C4orf50: variants seen among roughly 807,000 people sequenced by gnomAD.
C4orf50 encodes the protein uncharacterized protein C4orf50.
Under a neutral mutation model 77.2 loss-of-function variants are expected in C4orf50, and 80 were observed. That is an observed-to-expected ratio of 1.04 (90% CI 0.87 to 1.25). The LOEUF is 1.25. Among genes scored for constraint, C4orf50 ranks in the 50% most tolerant of loss-of-function variants. The pLI is 0.00. For missense variants in C4orf50, 1,257 were observed against 1,152.9 expected (o/e 1.09, Z -1.31); for synonymous variants, 532 against 465.3 (o/e 1.14, Z -1.84).
At chr4:5,947,949 T>G (rs114794505) in intron 7 of C4orf50, among the ~76,000 whole-genome samples, 2,931 of 152,304 alleles carry the variant, frequency 0.019, 98 homozygotes, top group African/African-American at 0.068. Context: ...AGGCACCTCT[T>G]CCAGGCACTC....
chr4:5,921,057 T>C (rs953210764), intron 7 of C4orf50, among the ~76,000 whole-genome samples: 2 of 152,192 alleles, frequency 1.3e-5, no homozygotes, highest in African/African-American at 4.8e-5. Flanking sequence ...CTGAGTGACC[T>C]GAGACCTTGA....
intron 33 of C4orf50, among the ~76,000 whole-genome samples, chr4:5,960,699 GA>G (rs1719224952): frequency 1.3e-5 from 2 of 152,218 alleles, no homozygotes; most frequent in Non-Finnish European, 2.9e-5. Context: ...CTCCAGGACG[GA>G]AGTACTGACT....
rs371957267 is a variant in C4orf50 at position 6,003,112 on chromosome 4, TG to T, written c.963+4883del. Among the ~76,000 whole-genome samples, 140 of 152,306 alleles carry T rather than the reference TG, an allele frequency of 9.2e-4. 2 individuals are homozygous for T. In the South Asian group the frequency reaches 0.029, roughly 31 times the overall value. Reference sequence around the variant, plus strand: ...CTTGGCCCAGACAGCCGTCCCCAGATGGCCCTTTGCACAAGGCCACTGCAGT... The same window carrying T: ...CTTGGCCCAGACAGCCGTCCCCAGATGCCCTTTGCACAAGGCCACTGCAGT... On this transcript the variant is annotated intron_variant, in intron 25 of 33. Coordinates refer to ENST00000531445, the Ensembl canonical transcript of C4orf50.
At chr4:5,955,245 C>A (rs1436222276), downstream of C4orf50, among the ~76,000 whole-genome samples, 3 of 152,148 alleles carry the variant, frequency 2.0e-5, no homozygotes, top group East Asian at 5.8e-4. This position sits in a 1 kb window ranked among gnomAD's most constrained non-coding sequence, Gnocchi z 5.1. Flanking sequence ...CCCACTCACA[C>A]CTTACCACGG....
chr4:5,972,797 C>T (rs933569296), intron 31 of C4orf50, among the ~76,000 whole-genome samples: 14 of 152,208 alleles, frequency 9.2e-5, no homozygotes, highest in African/African-American at 1.9e-4. Flanking sequence ...GCTAGTCTGG[C>T]GGGGGCGTTG....
rs1260290112 is a variant in C4orf50 at position 6,008,468 on chromosome 4, C to A, written c.491G>T (p.Arg164Leu). ...CTGCCCCAGTGCCTCGTCCTTGCGC[C>A]GCAACCGCTCCTGCAACCGCCGCAG... The change falls in exon 25 of 34, where the codon CGG becomes CTG. Residue 164 changes from arginine to leucine, a missense_variant. Coordinates refer to ENST00000531445, the Ensembl canonical transcript of C4orf50. The surrounding 1 kb of genome is among the most constrained non-coding windows in gnomAD (Gnocchi z 6.0). The A allele has an allele frequency of 5.0e-6, 2 of 397,608 alleles. No individual in the cohort carries two copies. Among genetic ancestry groups the A allele is most frequent in the Non-Finnish European group, 8.9e-6 (2 of 225,488 alleles). 24.6% of individuals were successfully genotyped at this position (397,608 alleles called of 1,614,324 possible).
At chr4:6,004,125 G>GATGT (rs1425993596) in intron 25 of C4orf50, among the ~76,000 whole-genome samples, 5 of 16,370 alleles carry the variant, frequency 3.1e-4, no homozygotes, top group Admixed American at 7.1e-4. Flanking sequence ...GATGGTGATA[G>GATGT]TGATGATGGT....
At chr4:5,975,690 T>C (rs747011361) in intron 30 of C4orf50, among the ~76,000 whole-genome samples, 6 of 152,086 alleles carry the variant, frequency 3.9e-5, no homozygotes, top group Admixed American at 2.0e-4. Context: ...GATTTGGCCA[T>C]GTTGCCCAGG....
chr4:5,906,210 T>A (rs575090555), intron 7 of C4orf50, among the ~76,000 whole-genome samples: 1 of 150,038 alleles, frequency 6.7e-6, no homozygotes, highest in African/African-American at 2.5e-5. Context: ...GCATGGCAGA[T>A]GTTGGCATGG....
chr4:5,938,535 C>T (rs1222473962), intron 7 of C4orf50, among the ~76,000 whole-genome samples: 1 of 152,096 alleles, frequency 6.6e-6, no homozygotes, highest in South Asian at 2.1e-4. Flanking sequence ...GAATAAGAAA[C>T]AATATTAGGG....
At chr4:5,922,593 G>A (rs1250450637) in intron 7 of C4orf50, among the ~76,000 whole-genome samples, 1 of 152,184 alleles carries the variant, frequency 6.6e-6, no homozygotes, top group Non-Finnish European at 1.5e-5. Flanking sequence ...GGGCTTCGGG[G>A]AGAGTGCCTT....
intron 7 of C4orf50, among the ~76,000 whole-genome samples, chr4:5,910,270 A>G (rs115509672): frequency 0.023 from 3,576 of 152,314 alleles, 55 homozygotes; most frequent in South Asian, 0.047. Flanking sequence ...GGTTAAACCT[A>G]GTTCAACTTA....
chr4:5,980,407 C>G, intron 28 of C4orf50, 69 bp from the exon 7 acceptor site: 1 of 1,441,146 alleles, frequency 6.9e-7, no homozygotes, highest in Non-Finnish European at 9.3e-7. Flanking sequence ...AGCCAACAAA[C>G]GGTACCCGTT....
At chr4:5,960,874 G>A (rs771360319) in intron 33 of C4orf50, among the ~76,000 whole-genome samples, 83 of 152,232 alleles carry the variant, frequency 5.5e-4, no homozygotes, top group Non-Finnish European at 3.1e-4. Context: ...AATGATAGTC[G>A]GCCTGGCTCA....
chr4:5,930,088 C>A (rs1475696022), intron 7 of C4orf50, among the ~76,000 whole-genome samples: 1 of 152,140 alleles, frequency 6.6e-6, no homozygotes, highest in Non-Finnish European at 1.5e-5. Flanking sequence ...AAACATTGGG[C>A]TCATGAAAGA....
rs886952418 is a variant in C4orf50 at position 6,000,199 on chromosome 4, C to T, written c.964-5723G>A. The stretch of plus-strand genomic sequence containing the variant: ...GCACTGGCAGCCTTGGGCAGTCACA[C>T]AGCATGCGATGCTCTCTGGACTCTG... On this transcript the variant is annotated intron_variant, in intron 25 of 33. Coordinates refer to ENST00000531445, the Ensembl canonical transcript of C4orf50. The surrounding 1 kb of genome is among the most constrained non-coding windows in gnomAD (Gnocchi z 6.0). 8.5e-5 allele frequency among the ~76,000 whole-genome samples: 13 copies of T among 152,164 alleles called. No homozygotes were observed. Among genetic ancestry groups the T allele is most frequent in the African/African-American group, 2.4e-4 (10 of 41,438 alleles).
chr4:5,918,776 G>C (rs1443609937), intron 7 of C4orf50, among the ~76,000 whole-genome samples: 1 of 152,170 alleles, frequency 6.6e-6, no homozygotes, highest in African/African-American at 2.4e-5. Context: ...CCACTGCAGG[G>C]GTCAGCCAGG....
chr4:5,969,046 C>T (rs771626914), intron 31 of C4orf50, among the ~76,000 whole-genome samples: 51 of 152,126 alleles, frequency 3.4e-4, no homozygotes, highest in Non-Finnish European at 6.5e-4. Flanking sequence ...TTCTCTGAGC[C>T]TCACCCTCTC....
At chr4:6,012,117 T>G (rs1267235307) in intron 23 of C4orf50, 149 bp from the exon 2 acceptor site, 2 of 397,198 alleles carry the variant, frequency 5.0e-6, no homozygotes, top group Non-Finnish European at 8.9e-6. Flanking sequence ...TTGCATAATA[T>G]TCATGTATAT....
Sources: gnomAD v4.1 joint callset for allele counts (sites outside exome capture counted in the v4.1 genomes callset) on GRCh38, gnomAD v4.1.1 for gene constraint, Gnocchi (gnomAD v3.1) non-coding constraint, MANE v1.5 for transcripts, NCBI Gene and HGNC (gene_info 2026-07-23, HGNC 2026-07-21) for gene names.